Variants in TNFRSF10D observed in about 807,000 individuals in gnomAD.
TNFRSF10D encodes TNF receptor superfamily member 10d.
In TNFRSF10D, 28 loss-of-function variants were observed where a neutral mutation model predicts 42.1. The observed-to-expected ratio is 0.66, with a 90% CI of 0.49 to 0.91. The LOEUF (loss-of-function observed/expected upper bound fraction) is 0.91. TNFRSF10D is among the 40% of genes least tolerant of loss of function. The probability of loss-of-function intolerance (pLI) is 0.00; values close to 1 mark genes in which losing one functional copy is unlikely to be tolerated. For missense variants in TNFRSF10D, 503 were observed against 486.1 expected, an observed-to-expected ratio of 1.03 and a Z score of -0.33; for synonymous variants, 186 against 189.4, an observed-to-expected ratio of 0.98 and a Z score of 0.15.
At position 23,148,059 on chromosome 8, in the gene TNFRSF10D, C is replaced by T. The variant is rs542493177; in HGVS notation, c.370+379G>A. On this transcript the variant is annotated intron_variant, in intron 3 of 8. Transcript: ENST00000312584. ...CAGCCTGGACAACAGAACGAGACTCCGTCTCCCAAAAAAAAAAAAAAAAAA... is the reference window on the plus strand; with the variant it reads ...CAGCCTGGACAACAGAACGAGACTCTGTCTCCCAAAAAAAAAAAAAAAAAA... Among the ~76,000 whole-genome samples the T allele has an allele frequency of 2.0e-3, 212 of 105,638 alleles. 2 individuals carry two copies. The highest frequency in any genetic ancestry group is 7.1e-3 in the Middle Eastern group (1 of 140). 69.3% of individuals were successfully genotyped at this position (105,638 alleles called of 152,430 possible). A position where few individuals can be genotyped will look rare whatever the true frequency, so the allele number is the denominator to read the frequency against.
intron 7 of TNFRSF10D, among the ~76,000 whole-genome samples, chr8:23,140,158 G>T (rs1200185418): frequency 6.6e-6 from 1 of 152,132 alleles, no homozygotes; most frequent in African/African-American, 2.4e-5. Context: ...GCGTGGCAGT[G>T]TGCGCCTGTA....
intron 2 of TNFRSF10D, among the ~76,000 whole-genome samples, chr8:23,152,197 C>G (rs138481044): frequency 6.0e-3 from 908 of 152,150 alleles, no homozygotes; most frequent in African/African-American, 0.019. Context: ...AGCAACACAA[C>G]AAAACACAGG....
chr8:23,157,990 A>C (rs188736333), intron 1 of TNFRSF10D, among the ~76,000 whole-genome samples: 108 of 152,326 alleles, frequency 7.1e-4, no homozygotes, highest in African/African-American at 2.4e-3. Flanking sequence ...GCAGCTTCCC[A>C]ATAAGATTTC....
At chr8:23,145,946 A>T in intron 4 of TNFRSF10D, 25 bp from the exon 5 acceptor site, 1 of 1,612,698 alleles carries the variant, frequency 6.2e-7, no homozygotes, top group Non-Finnish European at 8.5e-7. Context: ...AGAGGGAGAC[A>T]GGGACTCTTG....
At chr8:23,146,126 G>T (rs371988120) in intron 4 of TNFRSF10D, among the ~76,000 whole-genome samples, 1 of 152,232 alleles carries the variant, frequency 6.6e-6, no homozygotes. Context: ...CGGCCTCCCT[G>T]CTCTGGGGTC....
intron 3 of TNFRSF10D, 78 bp downstream of exon 3, chr8:23,148,360 C>T (rs1800156315): frequency 8.8e-7 from 1 of 1,134,864 alleles, no homozygotes; most frequent in South Asian, 1.4e-5. Flanking sequence ...AACTTGGTTC[C>T]CCGACTCACA....
chr8:23,151,231 G>A (rs1291757001), intron 2 of TNFRSF10D, among the ~76,000 whole-genome samples: 2 of 152,098 alleles, frequency 1.3e-5, no homozygotes, highest in Non-Finnish European at 2.9e-5. Context: ...CTACAGGCCA[G>A]GAGAGAGTGG....
intron 7 of TNFRSF10D, among the ~76,000 whole-genome samples, chr8:23,140,561 G>A (rs1036201809): frequency 2.0e-5 from 3 of 152,010 alleles, no homozygotes; most frequent in Non-Finnish European, 2.9e-5. Flanking sequence ...GGCTAAAATG[G>A]GCATACTGCT....
At position 23,145,901 on chromosome 8, in the gene TNFRSF10D, T is replaced by G. The variant is rs757439335; in HGVS notation, c.503A>C (p.Lys168Thr). The G allele has an allele frequency of 1.9e-6, 3 of 1,614,028 alleles. No individual in the cohort carries two copies. In the African/African-American group the frequency reaches 4.0e-5, roughly 22 times the overall value. ...CRTGCPRGMV[K>T]VSNCTPRSDI... ...ACTCCGGGGCGTACAATTACTGACC[T>G]TGACCATCCCTCTGGGACACCTGGG... The change falls in exon 5 of 9, where the codon AAG (lysine) becomes ACG (threonine). Residue 168 changes from lysine to threonine, a missense_variant. Coordinates refer to ENST00000312584, the MANE Select transcript of TNFRSF10D (RefSeq NM_003840.5).
chr8:23,156,998 A>T (rs1238680637), intron 1 of TNFRSF10D, among the ~76,000 whole-genome samples: 770 of 151,718 alleles, frequency 5.1e-3, no homozygotes, highest in African/African-American at 0.016. Context: ...AATTTCACAT[A>T]TTTTTCTTTT....
chr8:23,144,981 C>T, intron 6 of TNFRSF10D, 77 bp downstream of exon 6: 2 of 1,602,320 alleles, frequency 1.2e-6, no homozygotes, highest in Admixed American at 3.3e-5. Flanking sequence ...AGGGATTGTG[C>T]CCACCCAGGC....
intron 2 of TNFRSF10D, among the ~76,000 whole-genome samples, chr8:23,152,015 T>C (rs1800218423): frequency 2.0e-5 from 3 of 152,228 alleles, no homozygotes; most frequent in Non-Finnish European, 4.4e-5. Context: ...ATCTTGTACA[T>C]GTCCCTTCCA....
chr8:23,149,427 C>A (rs189076637), intron 2 of TNFRSF10D, among the ~76,000 whole-genome samples: 1 of 151,406 alleles, frequency 6.6e-6, no homozygotes, highest in African/African-American at 2.4e-5. Flanking sequence ...TTAGTTGACA[C>A]GGTGTATCAT....
intron 7 of TNFRSF10D, among the ~76,000 whole-genome samples, chr8:23,140,661 T>TCAC (rs1814448311): frequency 6.6e-6 from 1 of 152,202 alleles, no homozygotes; most frequent in Non-Finnish European, 1.5e-5. Flanking sequence ...AGTAACTGAA[T>TCAC]CACGTGGACT....
At chr8:23,162,997 C>A (rs1800393693) in intron 1 of TNFRSF10D, among the ~76,000 whole-genome samples, 1 of 151,836 alleles carries the variant, frequency 6.6e-6, no homozygotes, top group Non-Finnish European at 1.5e-5. Flanking sequence ...TCTCGGCTCA[C>A]TGCAACCTCT....
chr8:23,142,252 C>T (rs1399691466), intron 7 of TNFRSF10D, among the ~76,000 whole-genome samples: 1 of 149,564 alleles, frequency 6.7e-6, no homozygotes, highest in Non-Finnish European at 1.5e-5. Context: ...GCCTGGGTGA[C>T]AGAGCGAGAC....
intron 7 of TNFRSF10D, among the ~76,000 whole-genome samples, chr8:23,142,566 G>A (rs952382980): frequency 2.6e-5 from 4 of 152,152 alleles, no homozygotes; most frequent in East Asian, 1.9e-4. Context: ...CGACCATAAA[G>A]ATGGCAACAA....
chr8:23,146,348 C>A (rs1179896771), intron 4 of TNFRSF10D, among the ~76,000 whole-genome samples: 1 of 152,200 alleles, frequency 6.6e-6, no homozygotes, highest in African/African-American at 2.4e-5. Flanking sequence ...ACAGCAAACA[C>A]TGGAGGGCCA....
At chr8:23,142,072 C>T (rs1415061938) in intron 7 of TNFRSF10D, among the ~76,000 whole-genome samples, 1 of 152,198 alleles carries the variant, frequency 6.6e-6, no homozygotes, top group Non-Finnish European at 1.5e-5. Flanking sequence ...GAATTCAAGA[C>T]CAGCCTGCCC....
Sources: gnomAD v4.1 joint callset for allele counts (sites outside exome capture counted in the v4.1 genomes callset) on GRCh38, gnomAD v4.1.1 for gene constraint, MANE v1.5 for transcripts, NCBI Gene and HGNC (gene_info 2026-07-23, HGNC 2026-07-21) for gene names.